Variants in NTM observed in about 807,000 individuals in gnomAD.
NTM encodes IgLON family member 2.
Under a neutral mutation model 42.1 loss-of-function variants are expected in NTM, and 13 were observed. The ratio of observed to expected loss-of-function variants is 0.31; its 90% CI spans 0.20 to 0.49. NTM has a LOEUF of 0.49. NTM is among the 20% of genes least tolerant of loss of function. NTM has a pLI of 0.99. For synonymous variants in NTM, 187 were observed against 179.2 expected (o/e 1.04, Z -0.35); for missense variants, 373 against 452.8 (o/e 0.82, Z 1.60).
intron 1 of NTM, among the ~76,000 whole-genome samples, chr11:131,676,039 G>A (rs908178163): frequency 7.2e-5 from 11 of 152,150 alleles, no homozygotes; most frequent in African/African-American, 2.7e-4. Flanking sequence ...AGCTGGGTAG[G>A]TCCATGTCAC....
intron 1 of NTM, among the ~76,000 whole-genome samples, chr11:131,693,310 T>C (rs1476023069): frequency 6.6e-6 from 1 of 152,144 alleles, no homozygotes. Flanking sequence ...AGCTGAAAAA[T>C]GTCACCTTCA....
At chr11:131,919,525 C>T (rs2056912792) in intron 2 of NTM, among the ~76,000 whole-genome samples, 1 of 151,900 alleles carries the variant, frequency 6.6e-6, no homozygotes, top group Non-Finnish European at 1.5e-5. Context: ...CTCGTAGGTA[C>T]CAGGAGGGGT....
chr11:132,114,342 C>T (rs2136810404), intron 2 of NTM, among the ~76,000 whole-genome samples: 1 of 152,278 alleles, frequency 6.6e-6, no homozygotes, highest in Middle Eastern at 3.4e-3. Context: ...GCCCCTGCGA[C>T]CCAGTGTCCT....
At chr11:132,215,448 T>C (rs2083646780) in intron 4 of NTM, among the ~76,000 whole-genome samples, 1 of 152,238 alleles carries the variant, frequency 6.6e-6, no homozygotes, top group African/African-American at 2.4e-5. Context: ...TAGTCTTGAC[T>C]ACCTTGTGTG....
At chr11:131,495,287 A>G (rs1048247327) in intron 1 of NTM, among the ~76,000 whole-genome samples, 14 of 150,212 alleles carry the variant, frequency 9.3e-5, no homozygotes, top group African/African-American at 3.4e-4. Context: ...TCTCTCCCAC[A>G]CTCCCCCGCC....
chr11:132,310,045 A>G, intron 5 of NTM, 67 bp from the exon 6 acceptor site: 1 of 1,498,392 alleles, frequency 6.7e-7, no homozygotes. Flanking sequence ...CACAAGAGCA[A>G]GACTCCATCT....
chr11:132,161,732 C>A (rs1477989828), intron 3 of NTM, among the ~76,000 whole-genome samples: 1 of 151,986 alleles, frequency 6.6e-6, no homozygotes, highest in African/African-American at 2.4e-5. Flanking sequence ...CCCTGTGCAC[C>A]CAGACTGCGA....
intron 1 of NTM, among the ~76,000 whole-genome samples, chr11:131,383,666 G>T (rs1034672713): frequency 2.6e-5 from 4 of 152,150 alleles, no homozygotes; most frequent in Non-Finnish European, 5.9e-5. Flanking sequence ...GTAGGTAGAG[G>T]TCAGGGCTAG....
intron 2 of NTM, among the ~76,000 whole-genome samples, chr11:132,145,614 T>A (rs1420584318): frequency 6.6e-6 from 1 of 152,178 alleles, no homozygotes; most frequent in Non-Finnish European, 1.5e-5. Context: ...AGTTTTGAGA[T>A]TTTGGAAAGT....
intron 1 of NTM, among the ~76,000 whole-genome samples, chr11:131,432,485 G>A (rs573874310): frequency 2.6e-5 from 4 of 152,256 alleles, no homozygotes; most frequent in Admixed American, 6.5e-5. Flanking sequence ...AAAGATCAAC[G>A]CTGCCTGGTT....
chr11:131,832,807 TA>T (rs2042987006), intron 1 of NTM, among the ~76,000 whole-genome samples: 1 of 152,326 alleles, frequency 6.6e-6, no homozygotes, highest in Non-Finnish European at 1.5e-5. Context: ...TGTATGCACA[TA>T]AACACACACA....
chr11:131,911,424 G>C (rs773950945), intron 1 of NTM, 140 bp from the exon 2 acceptor site: 3 of 1,608,198 alleles, frequency 1.9e-6, no homozygotes, highest in East Asian at 2.2e-5. Context: ...TCCTGTGCTC[G>C]CCCGGGGGGC....
At chr11:132,034,072 A>T (rs1198428816) in intron 2 of NTM, among the ~76,000 whole-genome samples, 1 of 152,206 alleles carries the variant, frequency 6.6e-6, no homozygotes, top group African/African-American at 2.4e-5. Flanking sequence ...AGGCATTATC[A>T]AAATACATGA....
intron 1 of NTM, chr11:131,909,690 G>C (rs150144280): frequency 6.6e-6 from 1 of 152,458 alleles, no homozygotes; most frequent in Non-Finnish European, 1.5e-5. Context: ...GAAAGGAAAC[G>C]CAGGCCATTC....
At chr11:131,677,678 T>A (rs967295922) in intron 1 of NTM, among the ~76,000 whole-genome samples, 5 of 152,176 alleles carry the variant, frequency 3.3e-5, no homozygotes, top group African/African-American at 9.7e-5. Flanking sequence ...CAAATTCTCA[T>A]AAGAACCCAG....
intron 2 of NTM, among the ~76,000 whole-genome samples, chr11:131,983,716 G>A (rs1341019894): frequency 6.6e-6 from 1 of 152,124 alleles, no homozygotes; most frequent in South Asian, 2.1e-4. Context: ...AATTCTCTGA[G>A]TTGACTCAAT....
intron 1 of NTM, among the ~76,000 whole-genome samples, chr11:131,387,492 T>G (rs2135563349): frequency 6.6e-6 from 1 of 152,298 alleles, no homozygotes; most frequent in African/African-American, 2.4e-5. Context: ...CCCATCTTAG[T>G]TATGAGTGAT....
intron 1 of NTM, among the ~76,000 whole-genome samples, chr11:131,584,997 G>T (rs1473284742): frequency 6.6e-6 from 1 of 150,702 alleles, no homozygotes; most frequent in African/African-American, 2.4e-5. Context: ...GCCAAGGGGG[G>T]TGCAGTGGGG....
chr11:132,116,375 G>A (rs941709344), intron 2 of NTM, among the ~76,000 whole-genome samples: 1 of 152,200 alleles, frequency 6.6e-6, no homozygotes, highest in African/African-American at 2.4e-5. Context: ...AGTGGGGGGT[G>A]ATACTTTCTC....
Sources: gnomAD v4.1 joint callset for allele counts (sites outside exome capture counted in the v4.1 genomes callset) on GRCh38, gnomAD v4.1.1 for gene constraint, MANE v1.5 for transcripts, NCBI Gene and HGNC (gene_info 2026-07-23, HGNC 2026-07-21) for gene names.